The following SDK1 variants were observed in gnomAD, a reference collection of about 807,000 sequenced individuals.
The protein encoded by SDK1 is sidekick cell adhesion molecule 1.
Under a neutral mutation model 245.5 loss-of-function variants are expected in SDK1, and 157 were observed. The ratio of observed to expected loss-of-function variants is 0.64; its 90% confidence interval spans 0.56 to 0.73. SDK1 has a LOEUF of 0.73. Ranked by LOEUF, SDK1 falls within the 30% of genes least tolerant of loss-of-function variation. SDK1 has a pLI of 0.00. For missense variants in SDK1, 3,583 were observed against 3,002.3 expected, an observed-to-expected ratio of 1.19 and a Z score of -4.52; for synonymous variants, 1,647 against 1,278.5, an observed-to-expected ratio of 1.29 and a Z score of -6.15.
intron 1 of SDK1, among the ~76,000 whole-genome samples, chr7:3,355,868 C>G (rs987868117): frequency 6.6e-6 from 1 of 152,180 alleles, no homozygotes. Flanking sequence ...TGTCTGCAGT[C>G]TTCCCTCTAG....
At chr7:3,351,742 A>G (rs963521342) in intron 1 of SDK1, among the ~76,000 whole-genome samples, 7 of 152,152 alleles carry the variant, frequency 4.6e-5, no homozygotes, top group African/African-American at 9.7e-5. Context: ...CATATTATAT[A>G]AAGCAAAAAT....
intron 1 of SDK1, among the ~76,000 whole-genome samples, chr7:3,556,213 C>CATG (rs1554288830): frequency 1.1e-4 from 15 of 138,262 alleles, no homozygotes; most frequent in East Asian, 4.7e-4. Context: ...GATACATATA[C>CATG]ACGATGGAGT....
intron 1 of SDK1, among the ~76,000 whole-genome samples, chr7:3,574,751 G>C (rs370228160): frequency 6.6e-6 from 1 of 152,050 alleles, no homozygotes; most frequent in Non-Finnish European, 1.5e-5. Context: ...TTCATTTAAA[G>C]TTACGAAACA....
intron 32 of SDK1, 44 bp from the exon 33 acceptor site, chr7:4,174,178 G>A (rs1488495560): frequency 2.5e-5 from 40 of 1,608,818 alleles, no homozygotes; most frequent in Non-Finnish European, 3.3e-5. Context: ...GGCCAGCTGG[G>A]TTGACTCCCA....
At chr7:3,934,861 C>G (rs1780101318) in intron 5 of SDK1, among the ~76,000 whole-genome samples, 1 of 152,170 alleles carries the variant, frequency 6.6e-6, no homozygotes, top group African/African-American at 2.4e-5. Flanking sequence ...TGGAAAGGCA[C>G]TGGTGAGCTC....
At chr7:3,605,122 A>G (rs1781378442) in intron 1 of SDK1, among the ~76,000 whole-genome samples, 1 of 138,836 alleles carries the variant, frequency 7.2e-6, no homozygotes, top group Non-Finnish European at 1.5e-5. Flanking sequence ...GCTCTATAGC[A>G]CTTGAGGAAA....
At chr7:3,341,577 A>AG (rs1213451396) in intron 1 of SDK1, among the ~76,000 whole-genome samples, 1 of 152,220 alleles carries the variant, frequency 6.6e-6, no homozygotes, top group Admixed American at 6.5e-5. Flanking sequence ...CTAGAAAAAA[A>AG]ACTTCTTGAA....
intron 1 of SDK1, among the ~76,000 whole-genome samples, chr7:3,408,710 C>T (rs1779116036): frequency 6.6e-6 from 1 of 152,102 alleles, no homozygotes; most frequent in Admixed American, 6.5e-5. Context: ...ATATGTTGGA[C>T]AGTACTACAA....
chr7:3,559,958 A>G (rs1779697781), intron 1 of SDK1, among the ~76,000 whole-genome samples: 1 of 152,218 alleles, frequency 6.6e-6, no homozygotes, highest in African/African-American at 2.4e-5. Flanking sequence ...AGCACCTCAC[A>G]ACTTTGAAGA....
intron 35 of SDK1, among the ~76,000 whole-genome samples, chr7:4,185,391 C>G (rs1483287104): frequency 6.6e-6 from 1 of 152,204 alleles, no homozygotes; most frequent in East Asian, 1.9e-4. Flanking sequence ...TGGATGGGCC[C>G]TGGTCTCAGG....
At position 3,695,123 on chromosome 7, in the gene SDK1, C is replaced by T. The variant is rs548715285; in HGVS notation, c.713+53018C>T. On this transcript the variant is annotated intron_variant, in intron 4 of 44. Transcript: ENST00000404826. ...TGTATTACTACATAAGTCACTCTTT[C>T]TTAATTGCTAAAAATATTTATCAGT... Among the ~76,000 whole-genome samples, 85 of 152,298 alleles carry T rather than the reference C, an allele frequency of 5.6e-4. No individual in the cohort carries two copies. The Middle Eastern group carries it at 0.01, about 18-fold the overall frequency.
At chr7:3,376,252 C>T (rs182890929) in intron 1 of SDK1, among the ~76,000 whole-genome samples, 180 of 152,174 alleles carry the variant, frequency 1.2e-3, no homozygotes, top group African/African-American at 4.2e-3. Flanking sequence ...AAAATGGAAC[C>T]GTTAATTTAT....
chr7:3,509,543 G>T (rs1221203446), intron 1 of SDK1, among the ~76,000 whole-genome samples: 1 of 152,162 alleles, frequency 6.6e-6, no homozygotes, highest in Non-Finnish European at 1.5e-5. Context: ...GGGCCGTTGT[G>T]TTACCTCCAT....
At chr7:3,800,556 T>C (rs1779082823) in intron 4 of SDK1, among the ~76,000 whole-genome samples, 1 of 152,010 alleles carries the variant, frequency 6.6e-6, no homozygotes, top group Non-Finnish European at 1.5e-5. Context: ...TAATTTTTTG[T>C]ATTTTTACTA....
At chr7:4,107,055 C>G (rs963511953) in intron 22 of SDK1, among the ~76,000 whole-genome samples, 1 of 150,828 alleles carries the variant, frequency 6.6e-6, no homozygotes, top group Non-Finnish European at 1.5e-5. Context: ...CCGCCCAGGA[C>G]CCCAGCGTTC....
chr7:3,363,216 A>G (rs1311448773), intron 1 of SDK1, among the ~76,000 whole-genome samples: 1 of 152,224 alleles, frequency 6.6e-6, no homozygotes, highest in Non-Finnish European at 1.5e-5. Flanking sequence ...TGTTATATAA[A>G]TAGAATTATA....
At chr7:3,845,488 CAAAAAAA>C (rs369588343) in intron 5 of SDK1, among the ~76,000 whole-genome samples, 3 of 40,196 alleles carry the variant, frequency 7.5e-5, no homozygotes, top group Non-Finnish European at 1.5e-4. Flanking sequence ...GACTCCGTCT[CAAAAAAA>C]AAAAAAAAAA....
chr7:3,398,776 T>C (rs981269878), intron 1 of SDK1, among the ~76,000 whole-genome samples: 2 of 151,356 alleles, frequency 1.3e-5, no homozygotes, highest in African/African-American at 4.8e-5. Flanking sequence ...TAGTTTTTTT[T>C]TTTTTTTTTC....
intron 5 of SDK1, among the ~76,000 whole-genome samples, chr7:3,892,045 TTTTC>T (rs955721949): frequency 2.0e-5 from 3 of 152,186 alleles, no homozygotes; most frequent in Non-Finnish European, 2.9e-5. Context: ...TCTTTTTTCT[TTTTC>T]TTTTTTTGCC....
Sources: gnomAD v4.1 joint callset for allele counts (sites outside exome capture counted in the v4.1 genomes callset) on GRCh38, gnomAD v4.1.1 for gene constraint, MANE v1.5 for transcripts, NCBI Gene and HGNC (gene_info 2026-07-23, HGNC 2026-07-21) for gene names.